Variants in TMEM181 observed in about 807,000 individuals in gnomAD.
The protein encoded by TMEM181 is transmembrane protein 181, also known as G protein-coupled receptor 178.
A neutral mutation model predicts 71.9 loss-of-function variants in TMEM181; 39 were observed. The observed-to-expected ratio is 0.54, with a 90% confidence interval of 0.42 to 0.71. The LOEUF (loss-of-function observed/expected upper bound fraction) is 0.71, where lower values mean the gene tolerates loss of function less well. Among genes scored for constraint, TMEM181 ranks in the 30% least tolerant of loss-of-function variants. The pLI, the probability that TMEM181 is intolerant of heterozygous loss-of-function variation, is 0.00. For synonymous variants in TMEM181, 245 were observed against 228.8 expected (o/e 1.07, Z -0.64); for missense variants, 595 against 583.0 (o/e 1.02, Z -0.21).
chr6:158,572,560 C>A, intron 1 of TMEM181: 1 of 448,212 alleles, frequency 2.2e-6, no homozygotes, highest in South Asian at 1.6e-5. Context: ...GCTCGTGCGT[C>A]CTGTGCTGCT....
At chr6:158,540,396 G>T (rs537886375) in intron 1 of TMEM181, among the ~76,000 whole-genome samples, 1 of 152,338 alleles carries the variant, frequency 6.6e-6, no homozygotes, top group East Asian at 1.9e-4. Flanking sequence ...CATACATGGG[G>T]CCATCAGAAG....
At chr6:158,582,250 T>C (rs1217053298) in intron 3 of TMEM181, among the ~76,000 whole-genome samples, 1 of 152,182 alleles carries the variant, frequency 6.6e-6, no homozygotes, top group Non-Finnish European at 1.5e-5. Flanking sequence ...TTACAGTTTC[T>C]GTCTCTCAGG....
intron 10 of TMEM181, chr6:158,621,701 G>A (rs1206893067): frequency 6.5e-6 from 1 of 152,720 alleles, no homozygotes; most frequent in Non-Finnish European, 1.5e-5. Context: ...ATGCCAGCGT[G>A]CTTTGGAGAA....
intron 1 of TMEM181, among the ~76,000 whole-genome samples, chr6:158,543,136 A>C (rs965640067): frequency 6.6e-6 from 1 of 151,940 alleles, no homozygotes; most frequent in Non-Finnish European, 1.5e-5. Context: ...CAGCCTCCCA[A>C]AGTGCTGGGA....
chr6:158,627,176 CCTCA>C (rs1344431904), intron 13 of TMEM181, among the ~76,000 whole-genome samples: 4 of 149,630 alleles, frequency 2.7e-5, no homozygotes, highest in African/African-American at 4.9e-5. Flanking sequence ...TCACACACAC[CCTCA>C]CTCTCACACC....
chr6:158,619,656 G>A (rs1438860432), intron 10 of TMEM181, among the ~76,000 whole-genome samples: 1 of 152,112 alleles, frequency 6.6e-6, no homozygotes, highest in African/African-American at 2.4e-5. Flanking sequence ...CGATCATGAG[G>A]TTAGGAGATT....
chr6:158,583,748 C>T (rs1783604810), intron 3 of TMEM181, among the ~76,000 whole-genome samples: 1 of 152,084 alleles, frequency 6.6e-6, no homozygotes, highest in African/African-American at 2.4e-5. Flanking sequence ...TGTAGTGAGC[C>T]GAGATCGCGC....
chr6:158,590,102 C>T (rs1362772162), intron 6 of TMEM181, among the ~76,000 whole-genome samples: 1 of 152,124 alleles, frequency 6.6e-6, no homozygotes, highest in Non-Finnish European at 1.5e-5. Flanking sequence ...GGTCGTCAGT[C>T]TCTGCCCGAA....
chr6:158,562,860 CTA>C (rs1782266354), intron 1 of TMEM181, among the ~76,000 whole-genome samples: 1 of 152,210 alleles, frequency 6.6e-6, no homozygotes, highest in Non-Finnish European at 1.5e-5. Context: ...GGAATCCTCA[CTA>C]TCACCTTTCG....
intron 3 of TMEM181, among the ~76,000 whole-genome samples, chr6:158,581,709 C>T (rs906015595): frequency 7.5e-6 from 1 of 133,552 alleles, no homozygotes; most frequent in Middle Eastern, 4.3e-3. Flanking sequence ...CAGCCAAGAT[C>T]GTGCCAATGC....
intron 6 of TMEM181, among the ~76,000 whole-genome samples, chr6:158,595,113 A>G (rs899111219): frequency 6.6e-6 from 1 of 152,232 alleles, no homozygotes; most frequent in African/African-American, 2.4e-5. Flanking sequence ...TGGCTGTCAG[A>G]TATTTCAGAA....
intron 2 of TMEM181, among the ~76,000 whole-genome samples, chr6:158,579,088 G>A (rs987294971): frequency 6.6e-6 from 1 of 151,610 alleles, no homozygotes; most frequent in South Asian, 2.1e-4. Context: ...GTGAAACCCC[G>A]TCTCTACTAA....
At chr6:158,541,112 G>T (rs1254101524) in intron 1 of TMEM181, among the ~76,000 whole-genome samples, 2 of 151,980 alleles carry the variant, frequency 1.3e-5, no homozygotes, top group Non-Finnish European at 2.9e-5. Flanking sequence ...GCCATGAGGG[G>T]TGAGTGAAAT....
chr6:158,587,169 T>G (rs565111149), intron 5 of TMEM181, among the ~76,000 whole-genome samples: 1 of 152,350 alleles, frequency 6.6e-6, no homozygotes, highest in South Asian at 2.1e-4. Flanking sequence ...CACAGGACTT[T>G]GTTTTAAAAT....
intron 5 of TMEM181, among the ~76,000 whole-genome samples, chr6:158,588,922 GGCC>G (rs1167219253): frequency 2.6e-5 from 4 of 152,226 alleles, no homozygotes; most frequent in Non-Finnish European, 4.4e-5. Context: ...CGAAAGGCAG[GGCC>G]GGGGCAGAGC....
At chr6:158,559,903 C>T (rs1417223725), upstream of TMEM181, among the ~76,000 whole-genome samples, 3 of 152,362 alleles carry the variant, frequency 2.0e-5, no homozygotes, top group Non-Finnish European at 4.4e-5. Flanking sequence ...TCACTCATTC[C>T]TTCTGTCTTG....
intron 6 of TMEM181, among the ~76,000 whole-genome samples, chr6:158,598,798 C>T (rs1047058123): frequency 7.9e-5 from 12 of 151,986 alleles, no homozygotes; most frequent in African/African-American, 2.2e-4. Flanking sequence ...CTCAGCTTCC[C>T]GAGTAGCTGG....
At chr6:158,600,817 C>G (rs1784627765) in intron 6 of TMEM181, among the ~76,000 whole-genome samples, 1 of 152,092 alleles carries the variant, frequency 6.6e-6, no homozygotes, top group Non-Finnish European at 1.5e-5. Context: ...TTCTGTTGCT[C>G]TAACAGACTC....
chr6:158,593,478 A>G (rs918104987), intron 6 of TMEM181, among the ~76,000 whole-genome samples: 2 of 152,242 alleles, frequency 1.3e-5, no homozygotes, highest in African/African-American at 4.8e-5. Flanking sequence ...TGAGGCAACT[A>G]ATATTTGAAG....
Sources: allele counts gnomAD v4.1 joint callset (sites outside exome capture counted in the v4.1 genomes callset), GRCh38; gene constraint gnomAD v4.1.1; transcripts MANE v1.5; gene names NCBI Gene and HGNC (gene_info 2026-07-23, HGNC 2026-07-21).